CACNA1C: variants seen among roughly 807,000 people sequenced by gnomAD.
The protein encoded by CACNA1C is calcium voltage-gated channel subunit alpha1 C.
A neutral mutation model predicts 229.0 loss-of-function variants in CACNA1C; 30 were observed. The observed-to-expected ratio is 0.13, with a 90% CI of 0.10 to 0.18. CACNA1C has a LOEUF of 0.18. CACNA1C is among the 10% of genes least tolerant of loss of function. The probability of loss-of-function intolerance (pLI) is 1.00; values close to 1 mark genes in which losing one functional copy is unlikely to be tolerated. For synonymous variants in CACNA1C, 1,114 were observed against 1,132.5 expected (o/e 0.98, Z 0.33); for missense variants, 1,658 against 2,845.0 (o/e 0.58, Z 9.49).
rs116227801 is a variant in CACNA1C, at chr12:2,273,537, C to T, written c.477+153107C>T. On this transcript the variant is annotated intron_variant, in intron 3 of 46. Coordinates refer to ENST00000399655, the MANE Select transcript of CACNA1C (RefSeq NM_000719.7). ...GGCTGCTGGGTTAGGACCAGCAGGA[C>T]GGCCAGAACCATGGAGACATGCTGC... Among the ~76,000 whole-genome samples the T allele has an allele frequency of 8.4e-3, 1,277 of 152,174 alleles. 13 individuals are homozygous for T. Among genetic ancestry groups the T allele is most frequent in the African/African-American group, 0.029 (1,216 of 41,502 alleles).
chr12:2,529,007 T>C (rs2099834609), intron 9 of CACNA1C, among the ~76,000 whole-genome samples: 1 of 152,202 alleles, frequency 6.6e-6, no homozygotes, highest in Admixed American at 6.5e-5. Flanking sequence ...AAAAATGACT[T>C]AAGCAACCAT....
chr12:2,351,235 T>C (rs1347868415), intron 3 of CACNA1C, among the ~76,000 whole-genome samples: 1 of 152,180 alleles, frequency 6.6e-6, no homozygotes, highest in East Asian at 1.9e-4. Flanking sequence ...CCCCCAGCTG[T>C]GATGACCAAA....
rs2059879377 is a variant in CACNA1C, at chr12:2,067,641, A to C, written c.49+14030A>C. On this transcript the variant is annotated intron_variant, in intron 1 of 46. Transcript: ENST00000399655. The surrounding 1 kb of genome is among the most constrained non-coding windows in gnomAD (Gnocchi z 5.3). ...TCACGTTTGTGACGTGGATGGAAGG[A>C]AGCAGGGGATGGGAGGACTGGTGGA... Among the ~76,000 whole-genome samples the C allele has an allele frequency of 6.6e-6, 1 of 152,116 alleles. No homozygotes were observed. The highest frequency in any genetic ancestry group is 1.5e-5 in the Non-Finnish European group (1 of 68,010).
chr12:2,115,253 C>A lies in CACNA1C; in HGVS notation c.79C>A (p.His27Asn). The part of the protein sequence containing the change: ...GSNYGSPRPA[H>N]ANMNANAAAG... Reference sequence around the variant, plus strand: ...CAACTATGGGAGCCCACGCCCCGCCCATGCCAACATGAATGCCAATGCGGC... The same window carrying A: ...CAACTATGGGAGCCCACGCCCCGCCAATGCCAACATGAATGCCAATGCGGC... Residue 27 changes from histidine to asparagine, a missense_variant, in exon 2 of 47, where the codon CAT (histidine) becomes AAT (asparagine). His to Asn is a moderately conservative substitution (Grantham distance 68, BLOSUM62 1). Around this residue, in one of 20 missense-constraint regions of CACNA1C, gnomAD observed 111 missense variants for 128.0 expected, o/e 0.87. Transcript: ENST00000399655. 6.3e-7 allele frequency: 1 copy of A among 1,588,856 alleles called. No homozygotes were observed. The highest frequency in any genetic ancestry group is 8.6e-7 in the Non-Finnish European group (1 of 1,166,188).
rs777076698 is a variant in CACNA1C, at chr12:2,549,958, G to A, written c.1406G>A (p.Ser469Asn). Residue 469 changes from serine to asparagine, a missense_variant, in exon 10 of 47, where the codon AGT becomes AAT. Ser to Asn is a conservative substitution (Grantham distance 46). Around this residue, in one of 20 missense-constraint regions of CACNA1C, gnomAD observed 149 missense variants for 194.2 expected, o/e 0.77. Transcript: ENST00000399655. Reference sequence around the variant, plus strand: ...ACTCTTGCAGTGAGCATGCCCACCAGTGAGACCGAGTCCGTCAACACCGAA... The same window carrying A: ...ACTCTTGCAGTGAGCATGCCCACCAATGAGACCGAGTCCGTCAACACCGAA... ...EKPRNMSMPT[S>N]ETESVNTENV... 3.1e-6 allele frequency: 5 copies of A among 1,604,432 alleles called. No homozygotes were observed. The highest frequency in any genetic ancestry group is 4.3e-6 in the Non-Finnish European group (5 of 1,175,506).
chr12:2,268,111 G>A (rs901970810), intron 3 of CACNA1C, among the ~76,000 whole-genome samples: 1 of 152,110 alleles, frequency 6.6e-6, no homozygotes, highest in Non-Finnish European at 1.5e-5. Flanking sequence ...GCCAGGGACT[G>A]GTTTGTTTCC....
At chr12:2,628,091 C>G (rs937308914) in intron 29 of CACNA1C, among the ~76,000 whole-genome samples, 1 of 152,226 alleles carries the variant, frequency 6.6e-6, no homozygotes, top group South Asian at 2.1e-4. Context: ...GAAAGGTGTG[C>G]GGACTTCGTC....
At position 2,677,059 on chromosome 12, in the gene CACNA1C, C is replaced by CCTCTTACCCCCT. The variant is rs2096860657; in HGVS notation, c.4829-31_4829-20dup. The CCTCTTACCCCCT allele has an allele frequency of 6.3e-7, 1 of 1,592,684 alleles. No homozygotes were observed. The highest frequency in any genetic ancestry group is 1.3e-5 in the African/African-American group (1 of 74,512). Reference sequence around the variant, plus strand: ...AAGTTCAACTGAATTCCCCTGCTCCCCTCTTACCCCCTCTCCCCTCTCCAT... The same window carrying CCTCTTACCCCCT: ...AAGTTCAACTGAATTCCCCTGCTCCCCTCTTACCCCCTCTCTTACCCCCTCTCCCCTCTCCAT... On this transcript the variant is annotated intron_variant, in intron 39 of 46. Transcript: ENST00000399655. The surrounding 1 kb of genome is among the most constrained non-coding windows in gnomAD (Gnocchi z 7.4).
Position 2,152,137 on chromosome 12 carries a change from A to G in CACNA1C, c.477+31707A>G, listed in dbSNP as rs569373596. Among the ~76,000 whole-genome samples the G allele has an allele frequency of 6.6e-6, 1 of 152,212 alleles. No individual in the cohort carries two copies. Among genetic ancestry groups the G allele is most frequent in the Non-Finnish European group, 1.5e-5 (1 of 68,030 alleles). ...TCCCTAGATAGCTGCGTTGCAATGGACCACATTATGGCATGCACATTAATG... is the reference window on the plus strand; with the variant it reads ...TCCCTAGATAGCTGCGTTGCAATGGGCCACATTATGGCATGCACATTAATG... On this transcript the variant is annotated intron_variant, in intron 3 of 46. Coordinates refer to ENST00000399655, the MANE Select transcript of CACNA1C (RefSeq NM_000719.7). This position sits in a 1 kb window ranked among gnomAD's most constrained non-coding sequence, Gnocchi z 4.2.
At chr12:2,405,993 T>C (rs2098733570) in intron 3 of CACNA1C, among the ~76,000 whole-genome samples, 1 of 152,242 alleles carries the variant, frequency 6.6e-6, no homozygotes, top group African/African-American at 2.4e-5. Context: ...AAAATACCTT[T>C]ATTTCCCCTT....
chr12:2,137,288 T>G (rs549724884), intron 3 of CACNA1C, among the ~76,000 whole-genome samples: 2 of 151,408 alleles, frequency 1.3e-5, no homozygotes, highest in African/African-American at 4.8e-5. Flanking sequence ...ACTTCACTTC[T>G]CTGAGTTTTA....
intron 3 of CACNA1C, among the ~76,000 whole-genome samples, chr12:2,412,218 A>G (rs1003426740): frequency 1.3e-5 from 2 of 152,044 alleles, no homozygotes; most frequent in African/African-American, 2.4e-5. Context: ...GGATACCACA[A>G]AGGCCCCCCA....
In CACNA1C at chr12:2,479,797, A is replaced by T. The variant is rs2099662656; in HGVS notation, c.758-6307A>T. Among the ~76,000 whole-genome samples the T allele has an allele frequency of 1.3e-5, 2 of 152,210 alleles. No individual in the cohort carries two copies. On this transcript the variant is annotated intron_variant, in intron 5 of 46. Coordinates refer to ENST00000399655, the MANE Select transcript of CACNA1C (RefSeq NM_000719.7). This position sits in a 1 kb window ranked among gnomAD's most constrained non-coding sequence, Gnocchi z 4.3. The stretch of plus-strand genomic sequence containing the variant: ...CATCGGGATTGGGGATATCACATGT[A>T]GAAGGGGTTTTCCCAGGCTTGAGGT...
At chr12:2,338,368 C>G (rs1346975380) in intron 3 of CACNA1C, among the ~76,000 whole-genome samples, 1 of 152,180 alleles carries the variant, frequency 6.6e-6, no homozygotes, top group African/African-American at 2.4e-5. Context: ...GCCTTGTGCA[C>G]AAGGGTCTGT....
At chr12:2,564,987 G>A (rs2049567146) in intron 11 of CACNA1C, among the ~76,000 whole-genome samples, 1 of 151,994 alleles carries the variant, frequency 6.6e-6, no homozygotes, top group African/African-American at 2.4e-5. Context: ...TTCTCTCCTT[G>A]CACAGTGCAG....
In CACNA1C at chr12:2,275,938, T is replaced by C. The variant is rs1181981081; in HGVS notation, c.477+155508T>C. On this transcript the variant is annotated intron_variant, in intron 3 of 46. Coordinates refer to ENST00000399655, the MANE Select transcript of CACNA1C (RefSeq NM_000719.7). This position sits in a 1 kb window ranked among gnomAD's most constrained non-coding sequence, Gnocchi z 4.1. ...CATCCCTTGGTGTCTGTGGGGAGAC[T>C]GATTCCTGGACCCCTCTCAGATACA... Among the ~76,000 whole-genome samples the C allele has an allele frequency of 6.6e-6, 1 of 152,192 alleles. No individual in the cohort carries two copies. The highest frequency in any genetic ancestry group is 1.9e-4 in the East Asian group (1 of 5,188).
At chr12:2,412,303 G>T (rs1424118181) in intron 3 of CACNA1C, among the ~76,000 whole-genome samples, 1 of 152,212 alleles carries the variant, frequency 6.6e-6, no homozygotes, top group East Asian at 1.9e-4. Flanking sequence ...GATAACCTCA[G>T]ACCTGGCTTC....
rs952622620 is a variant in CACNA1C at position 2,284,094 on chromosome 12, A to G, written c.477+163664A>G. Reference sequence around the variant, plus strand: ...TAACTTGCTTGGCTCCAGCCACGAAACAGGAACCCGCCATCCCCCTAGCTC... The same window carrying G: ...TAACTTGCTTGGCTCCAGCCACGAAGCAGGAACCCGCCATCCCCCTAGCTC... On this transcript the variant is annotated intron_variant, in intron 3 of 46. Transcript: ENST00000399655. Among the ~76,000 whole-genome samples, 3 of 152,134 alleles carry G rather than the reference A, an allele frequency of 2.0e-5. No individual in the cohort carries two copies. In the East Asian group the frequency reaches 5.8e-4, roughly 29 times the overall value.
chr12:2,667,285 C>T (rs115271907), intron 37 of CACNA1C, among the ~76,000 whole-genome samples: 9,603 of 127,282 alleles, frequency 0.075, 375 homozygotes, highest in African/African-American at 0.14. Flanking sequence ...GGCCACTCCA[C>T]GCTCCTTTTC....
Sources: gnomAD v4.1 joint callset for allele counts (sites outside exome capture counted in the v4.1 genomes callset) on GRCh38, gnomAD v4.1.1 for gene constraint, gnomAD v4.1.1 regional missense constraint, Gnocchi (gnomAD v3.1) non-coding constraint, MANE v1.5 for transcripts, NCBI Gene and HGNC (gene_info 2026-07-23, HGNC 2026-07-21) for gene names.